PHRF1: variants seen among roughly 807,000 people sequenced by gnomAD.
The protein encoded by PHRF1 is PHD and RING finger domain-containing protein 1.
Under a neutral mutation model 128.9 loss-of-function variants are expected in PHRF1, and 53 were observed. The observed-to-expected ratio is 0.41, with a 90% CI of 0.33 to 0.52. The LOEUF is 0.52. Among genes scored for constraint, PHRF1 ranks in the 20% least tolerant of loss-of-function variants. PHRF1 has a pLI of 0.21. For synonymous variants in PHRF1, 1,178 were observed against 980.6 expected (o/e 1.20, Z -3.76); for missense variants, 2,503 against 2,284.5 (o/e 1.10, Z -1.95).
At chr11:585,131 G>A (rs559739516) in intron 3 of PHRF1, among the ~76,000 whole-genome samples, 10 of 152,214 alleles carry the variant, frequency 6.6e-5, no homozygotes, top group Non-Finnish European at 8.8e-5. Context: ...CAACACCCAC[G>A]TTGCTGGGGC....
intron 3 of PHRF1, among the ~76,000 whole-genome samples, chr11:583,059 G>A (rs1854302800): frequency 6.7e-6 from 1 of 149,282 alleles, no homozygotes; most frequent in Admixed American, 6.8e-5. Context: ...AATTCTGGCT[G>A]TCTGGGCGCG....
In PHRF1 at chr11:608,638, G is replaced by A. The variant is rs1352147338; in HGVS notation, c.3182G>A (p.Ser1061Asn). The A allele has an allele frequency of 1.9e-6, 3 of 1,612,414 alleles. No homozygotes were observed. In the South Asian group the frequency reaches 3.3e-5, roughly 18 times the overall value. ...CGGTCCTCCAGTGACCGCTCCAGCAGCCGAGAGCGAGCTAAGAGGAAGAAA... is the reference window on the plus strand; with the variant it reads ...CGGTCCTCCAGTGACCGCTCCAGCAACCGAGAGCGAGCTAAGAGGAAGAAA... ...SRRSSSDRSS[S>N]RERAKRKKAK... Residue 1061 changes from serine (S) to asparagine (N), a missense_variant, in exon 14 of 18, where the codon AGC becomes AAC. Coordinates refer to ENST00000264555, the MANE Select transcript of PHRF1 (RefSeq NM_001286581.2).
intron 3 of PHRF1, among the ~76,000 whole-genome samples, chr11:582,753 T>C (rs1408914687): frequency 1.1e-4 from 16 of 151,720 alleles, no homozygotes; most frequent in Admixed American, 1.1e-3. Flanking sequence ...CTCGATCTCC[T>C]GACCTCGTGA....
intron 4 of PHRF1, among the ~76,000 whole-genome samples, chr11:589,451 G>A (rs1394953456): frequency 6.6e-6 from 1 of 152,160 alleles, no homozygotes; most frequent in African/African-American, 2.4e-5. Flanking sequence ...GCTTTGAAAA[G>A]GGGAGAAATT....
intron 4 of PHRF1, among the ~76,000 whole-genome samples, chr11:589,849 C>T (rs112916079): frequency 8.2e-5 from 12 of 147,012 alleles, no homozygotes; most frequent in African/African-American, 2.3e-4. Flanking sequence ...AGTCTGCAAA[C>T]GGGCACGGAG....
chr11:591,474 G>T lies in PHRF1; in HGVS notation c.504+7G>T, dbSNP rs1300253506. On this transcript the variant is annotated splice_region_variant and intron_variant, in intron 5 of 17. Coordinates refer to ENST00000264555, the MANE Select transcript of PHRF1 (RefSeq NM_001286581.2). Reference sequence around the variant, plus strand: ...TGGTAAAATCTTAAGAAAGGTGAGTGTGGACGCTGCCGTGGAGGCCCCAGC... The same window carrying T: ...TGGTAAAATCTTAAGAAAGGTGAGTTTGGACGCTGCCGTGGAGGCCCCAGC... 6.2e-7 allele frequency: 1 copy of T among 1,602,984 alleles called. No individual in the cohort carries two copies. Among genetic ancestry groups the T allele is most frequent in the Non-Finnish European group, 8.5e-7 (1 of 1,174,422 alleles).
At chr11:603,217 G>A (rs1476897267) in intron 10 of PHRF1, among the ~76,000 whole-genome samples, 6 of 151,806 alleles carry the variant, frequency 4.0e-5, no homozygotes, top group East Asian at 3.9e-4. Flanking sequence ...CACCGTGCCC[G>A]GCTAGTTTTT....
chr11:602,761 G>GTTT (rs1374012486), intron 10 of PHRF1, among the ~76,000 whole-genome samples: 3 of 137,124 alleles, frequency 2.2e-5, no homozygotes, highest in Non-Finnish European at 4.5e-5. Flanking sequence ...TTTTGTTTTT[G>GTTT]TTTTTTTTGT....
chr11:610,585 T>C lies in PHRF1; in HGVS notation c.4501T>C (p.Phe1501Leu). 6.2e-7 allele frequency: 1 copy of C among 1,606,534 alleles called. No homozygotes were observed. The highest frequency in any genetic ancestry group is 1.1e-5 in the South Asian group (1 of 91,074). Residue 1501 changes from phenylalanine (F) to leucine (L), a missense_variant, in exon 16 of 18, where the codon TTC (phenylalanine) becomes CTC (leucine). Physicochemically the swap from Phe to Leu is conservative, Grantham distance 22. Transcript: ENST00000264555. The part of the protein sequence containing the change: ...CALVSQPTVQ[F>L]ILQGSLPLVG... The stretch of plus-strand genomic sequence containing the variant: ...ACTGGTCAGCCAGCCCACGGTCCAG[T>C]TCATCCTTCAGGGGAGCCTGCCGCT...
At chr11:594,095 T>G (rs536010071) in intron 6 of PHRF1, among the ~76,000 whole-genome samples, 40 of 152,146 alleles carry the variant, frequency 2.6e-4, no homozygotes, top group Non-Finnish European at 5.1e-4. Flanking sequence ...CGTGAATATA[T>G]GCAGAATGCT....
chr11:602,378 A>G (rs937575413), intron 10 of PHRF1, among the ~76,000 whole-genome samples: 1 of 152,124 alleles, frequency 6.6e-6, no homozygotes, highest in African/African-American at 2.4e-5. Context: ...AAACACCTTA[A>G]TATGTAAAAA....
At chr11:589,319 C>G (rs1854781598) in intron 4 of PHRF1, among the ~76,000 whole-genome samples, 1 of 152,204 alleles carries the variant, frequency 6.6e-6, no homozygotes, top group South Asian at 2.1e-4. Context: ...CCTTTCGAGA[C>G]ATCTTGCTCC....
Position 597,010 on chromosome 11 carries a change from C to A in PHRF1, c.708C>A (p.Val236=). ...FCPECAAPGV[V]LAADAGPVSE... is the part of the protein sequence containing the mutation. ...CGGAATGTGCTGCGCCTGGTGTTGT[C>A]CTTGCCGCTGGTAAGGACACTGCTC... The change falls in exon 7 of 18, where the codon GTC becomes GTA. Residue 236 remains valine, a synonymous_variant. Coordinates refer to ENST00000264555, the MANE Select transcript of PHRF1 (RefSeq NM_001286581.2). This position sits in a 1 kb window ranked among gnomAD's most constrained non-coding sequence, Gnocchi z 6.5. 2 of 1,613,804 alleles carry A rather than the reference C, an allele frequency of 1.2e-6. No homozygotes were observed. Among genetic ancestry groups the A allele is most frequent in the Non-Finnish European group, 1.7e-6 (2 of 1,179,838 alleles).
At position 608,877 on chromosome 11, in the gene PHRF1, C is replaced by T. The variant is rs200491500; in HGVS notation, c.3421C>T (p.Arg1141Cys). The T allele has an allele frequency of 2.4e-5, 39 of 1,612,230 alleles. No individual in the cohort carries two copies. Among genetic ancestry groups the T allele is most frequent in the South Asian group, 2.3e-4 (21 of 91,074 alleles). Residue 1141 changes from arginine (R) to cysteine (C), a missense_variant, in exon 14 of 18, where the codon CGC becomes TGC. Coordinates refer to ENST00000264555, the MANE Select transcript of PHRF1 (RefSeq NM_001286581.2). Reference sequence around the variant, plus strand: ...CTGCAGGCACAAGCATCAGCGGGAACGCAGCCACGAGCGGCCAGACAGGAA... The same window carrying T: ...CTGCAGGCACAAGCATCAGCGGGAATGCAGCCACGAGCGGCCAGACAGGAA... ...RLCRHKHQRE[R>C]SHERPDRKES...
Position 609,699 on chromosome 11 carries a change from C to T in PHRF1, c.4243C>T (p.Pro1415Ser), listed in dbSNP as rs867136958. 2 of 1,507,472 alleles carry T rather than the reference C, an allele frequency of 1.3e-6. No individual in the cohort carries two copies. The highest frequency in any genetic ancestry group is 8.8e-7 in the Non-Finnish European group (1 of 1,132,040). The allele number at this position is 1,507,472 out of a possible 1,614,324, so 93.4% of individuals were successfully genotyped here. The part of the protein sequence containing the change: ...WNLQESESSA[P>S]AEDRAPRAPL... ...CCTGCAGGAGTCGGAGAGCAGCGCC[C>T]CCGCCGAGGACAGAGCCCCCCGTGA... Residue 1415 changes from proline to serine, a missense_variant, in exon 14 of 18, where the codon CCC (proline) becomes TCC (serine). Pro to Ser is a moderately conservative substitution (Grantham distance 74, BLOSUM62 -1). Transcript: ENST00000264555.
chr11:592,398 A>G (rs1171140571), intron 5 of PHRF1, among the ~76,000 whole-genome samples, 161 bp from the exon 6 acceptor site: 2 of 152,206 alleles, frequency 1.3e-5, no homozygotes, highest in African/African-American at 4.8e-5. Flanking sequence ...TAGAAAACAT[A>G]AAAATCCCTG....
Position 581,609 on chromosome 11 carries a change from G to A in PHRF1, c.94+3G>A. ...TGCGGACCCGGCAGGTGACTTTGGTGAGCTGCCTAGCGCCGGGTAGGGGCG... is the reference window on the plus strand; with the variant it reads ...TGCGGACCCGGCAGGTGACTTTGGTAAGCTGCCTAGCGCCGGGTAGGGGCG... On this transcript the variant is annotated splice_donor_region_variant and intron_variant, in intron 2 of 17. Coordinates refer to ENST00000264555, the MANE Select transcript of PHRF1 (RefSeq NM_001286581.2). 1.2e-6 allele frequency: 2 copies of A among 1,611,834 alleles called. No homozygotes were observed. Among genetic ancestry groups the A allele is most frequent in the South Asian group, 2.2e-5 (2 of 90,906 alleles).
At chr11:611,223 G>T (rs1856375115) in intron 17 of PHRF1, 141 bp downstream of exon 17, 3 of 1,363,366 alleles carry the variant, frequency 2.2e-6, no homozygotes, top group African/African-American at 1.5e-5. Flanking sequence ...GGGCTGTATT[G>T]CCACATCCTG....
rs369016795 is a variant in PHRF1 at position 607,589 on chromosome 11, C to T, written c.2133C>T (p.Ile711=). Residue 711 remains isoleucine, a synonymous_variant, in exon 14 of 18, where the codon ATC becomes ATT. Coordinates refer to ENST00000264555, the MANE Select transcript of PHRF1 (RefSeq NM_001286581.2). ...GQSIEIPSAC[I]SRLTGREGTG... ...GCATTGAGATCCCCAGTGCCTGCATCAGCCGACTGACTGGCAGGGAGGGCA... is the reference window on the plus strand; with the variant it reads ...GCATTGAGATCCCCAGTGCCTGCATTAGCCGACTGACTGGCAGGGAGGGCA... The T allele has an allele frequency of 1.9e-6, 3 of 1,612,322 alleles. No individual in the cohort carries two copies. The highest frequency in any genetic ancestry group is 2.7e-5 in the African/African-American group (2 of 74,914).
Sources: gnomAD v4.1 joint callset for allele counts (sites outside exome capture counted in the v4.1 genomes callset) on GRCh38, gnomAD v4.1.1 for gene constraint, Gnocchi (gnomAD v3.1) non-coding constraint, MANE v1.5 for transcripts, NCBI Gene and HGNC (gene_info 2026-07-23, HGNC 2026-07-21) for gene names.